The following SLC28A3 variants were observed in gnomAD, a reference collection of about 807,000 sequenced individuals.
The protein encoded by SLC28A3 is solute carrier family 28 member 3, also known as concentrative Na(+)-nucleoside cotransporter 3.
In SLC28A3, 68 loss-of-function variants were observed where a neutral mutation model predicts 84.2. The ratio of observed to expected loss-of-function variants is 0.81; its 90% CI spans 0.66 to 0.99. The LOEUF (loss-of-function observed/expected upper bound fraction) is 0.99, where lower values mean the gene tolerates loss of function less well. SLC28A3 is among the 50% of genes least tolerant of loss of function. The probability of loss-of-function intolerance (pLI) is 0.00; values close to 1 mark genes in which losing one functional copy is unlikely to be tolerated. For missense variants in SLC28A3, 712 were observed against 841.5 expected, an observed-to-expected ratio of 0.85 and a Z score of 1.90; for synonymous variants, 267 against 303.6, an observed-to-expected ratio of 0.88 and a Z score of 1.25.
rs143234221 is a variant in SLC28A3, at chr9:84,328,664, C to T, written c.60+11910G>A. ...ACCCCAGCTTCTCGCGAGGCTGAGA[C>T]AGGAGAATTGCTTAAACTTGGGAGG... On this transcript the variant is annotated intron_variant, in intron 1 of 17. Transcript: ENST00000376238. 4.5e-3 allele frequency among the ~76,000 whole-genome samples: 691 copies of T among 152,272 alleles called. 6 individuals are homozygous for T. The highest frequency in any genetic ancestry group is 0.016 in the African/African-American group (671 of 41,564).
In SLC28A3 at chr9:84,279,392, G is replaced by A. The variant is rs1824649641; in HGVS notation, c.1829-7C>T. On this transcript the variant is annotated splice_polypyrimidine_tract_variant and splice_region_variant and intron_variant, in intron 16 of 17. Coordinates refer to ENST00000376238, the MANE Select transcript of SLC28A3 (RefSeq NM_001199633.2). ...GGAGTGCTGGAGAGTATGCCTAGAAGTGGAACAGAGTCCCATTTATTTATT... is the reference window on the plus strand; with the variant it reads ...GGAGTGCTGGAGAGTATGCCTAGAAATGGAACAGAGTCCCATTTATTTATT... 1.3e-6 allele frequency: 2 copies of A among 1,504,248 alleles called. No homozygotes were observed. The highest frequency in any genetic ancestry group is 4.8e-5 in the East Asian group (2 of 41,314). The allele number at this position is 1,504,248 out of a possible 1,614,324, so 93.2% of individuals were successfully genotyped here.
chr9:84,334,068 G>A (rs1826883348), intron 1 of SLC28A3, among the ~76,000 whole-genome samples: 1 of 152,224 alleles, frequency 6.6e-6, no homozygotes, highest in South Asian at 2.1e-4. Context: ...ACTTTGGGAG[G>A]CCAAGGCGGG....
At chr9:84,366,848 C>A in the SLC28A3 span, among the ~76,000 whole-genome samples, 2 of 152,132 alleles carry the variant, frequency 1.3e-5, no homozygotes, top group African/African-American at 4.8e-5. Flanking sequence ...GAAGCCAGCA[C>A]AGCCCTGAGT....
At chr9:84,328,538 C>A (rs1383785527) in intron 1 of SLC28A3, among the ~76,000 whole-genome samples, 1 of 151,962 alleles carries the variant, frequency 6.6e-6, no homozygotes, top group Non-Finnish European at 1.5e-5. Flanking sequence ...GCGGGTGGAT[C>A]ACCTGAGGTC....
At chr9:84,299,519 T>C (rs1825542090) in intron 6 of SLC28A3, 62 bp downstream of exon 6, 1 of 1,590,262 alleles carries the variant, frequency 6.3e-7, no homozygotes, top group South Asian at 1.1e-5. Context: ...ATCAGTATTT[T>C]GAGCAATTTA....
chr9:84,360,871 G>A, the SLC28A3 span, among the ~76,000 whole-genome samples: 4 of 152,022 alleles, frequency 2.6e-5, no homozygotes, highest in Non-Finnish European at 5.9e-5. Context: ...AGCTGTGATG[G>A]TGAGCTTTGG....
At chr9:84,335,586 C>T (rs1270870057) in intron 1 of SLC28A3, among the ~76,000 whole-genome samples, 1 of 152,108 alleles carries the variant, frequency 6.6e-6, no homozygotes, top group Non-Finnish European at 1.5e-5. Flanking sequence ...AAGGGAATCA[C>T]TTCCAAGTTG....
chr9:84,279,733 G>A (rs956923921), intron 16 of SLC28A3, among the ~76,000 whole-genome samples: 1 of 152,236 alleles, frequency 6.6e-6, no homozygotes, highest in African/African-American at 2.4e-5. Context: ...GGGATTACAG[G>A]CGTAAGCCAC....
chr9:84,279,983 C>T lies in SLC28A3; in HGVS notation c.1820G>A (p.Cys607Tyr). The T allele has an allele frequency of 6.2e-7, 1 of 1,613,794 alleles. No homozygotes were observed. Among genetic ancestry groups the T allele is most frequent in the Non-Finnish European group, 8.5e-7 (1 of 1,179,972 alleles). Residue 607 changes from cysteine (C) to tyrosine (Y), a missense_variant, in exon 16 of 18, where the codon TGC (cysteine) becomes TAC (tyrosine). By Grantham distance (194) the Cys-to-Tyr change is radical. Coordinates refer to ENST00000376238, the MANE Select transcript of SLC28A3 (RefSeq NM_001199633.2). ...AGGACAGGGTGCGGTACCTGCGATG[C>T]AGGCTGTCATGAAGCAGGCCACGGT... ...AGTVACFMTACIAGILSSTPV... is the reference protein window; with the variant it reads ...AGTVACFMTAYIAGILSSTPV...
intron 1 of SLC28A3, among the ~76,000 whole-genome samples, chr9:84,326,654 CA>C (rs1826562567): frequency 6.6e-6 from 1 of 151,376 alleles, no homozygotes. Flanking sequence ...ACAACAACAA[CA>C]ACAACAACAA....
At chr9:84,298,503 C>T (rs1366793659) in intron 6 of SLC28A3, among the ~76,000 whole-genome samples, 1 of 151,900 alleles carries the variant, frequency 6.6e-6, no homozygotes, top group African/African-American at 2.4e-5. Context: ...AAAACAAAAA[C>T]AAACTCAGCA....
the SLC28A3 span, among the ~76,000 whole-genome samples, chr9:84,361,033 A>G: frequency 6.6e-6 from 1 of 152,014 alleles, no homozygotes; most frequent in Non-Finnish European, 1.5e-5. Flanking sequence ...ATTAATCCCA[A>G]ACCAGAACGA....
At chr9:84,330,497 A>C (rs73466569) in intron 1 of SLC28A3, among the ~76,000 whole-genome samples, 16,684 of 152,180 alleles carry the variant, frequency 0.11, 2,874 homozygotes, top group African/African-American at 0.37. Flanking sequence ...GTGGTTACTG[A>C]GTGCTTGAAA....
intron 1 of SLC28A3, among the ~76,000 whole-genome samples, chr9:84,314,285 C>T (rs535487021): frequency 5.9e-5 from 9 of 152,216 alleles, no homozygotes; most frequent in South Asian, 2.1e-4. Flanking sequence ...TAGGGCCGTC[C>T]GGACCCCTCA....
At chr9:84,309,568 A>G (rs887123576) in intron 3 of SLC28A3, 61 bp downstream of exon 3, 7 of 1,261,376 alleles carry the variant, frequency 5.5e-6, no homozygotes, top group Middle Eastern at 1.9e-4. Context: ...TGGGGATAAA[A>G]CAAAGTAATA....
At chr9:84,285,617 G>T in intron 13 of SLC28A3, 75 bp from the exon 14 acceptor site, 1 of 1,456,580 alleles carries the variant, frequency 6.9e-7, no homozygotes. Context: ...TGACAACACT[G>T]TTCCTGACCC....
chr9:84,332,847 C>T (rs1174864296), intron 1 of SLC28A3, among the ~76,000 whole-genome samples: 1 of 152,126 alleles, frequency 6.6e-6, no homozygotes, highest in Non-Finnish European at 1.5e-5. Context: ...CCCAATGTTT[C>T]CTAAATGGGA....
chr9:84,355,298 C>A, the SLC28A3 span, among the ~76,000 whole-genome samples: 1 of 151,960 alleles, frequency 6.6e-6, no homozygotes, highest in Admixed American at 6.6e-5. Flanking sequence ...AATAGCCAGG[C>A]ACAGTGGTGC....
chr9:84,297,848 A>T (rs1390735526), intron 7 of SLC28A3, 58 bp downstream of exon 7: 34 of 1,401,330 alleles, frequency 2.4e-5, no homozygotes, highest in Middle Eastern at 3.6e-4. Context: ...CGTCTTGAGG[A>T]TTACCTCCAA....
Sources: gnomAD v4.1 joint callset for allele counts (sites outside exome capture counted in the v4.1 genomes callset) on GRCh38, gnomAD v4.1.1 for gene constraint, MANE v1.5 for transcripts, NCBI Gene and HGNC (gene_info 2026-07-23, HGNC 2026-07-21) for gene names.